The following FBXO34 variants were observed in gnomAD, a reference collection of about 807,000 sequenced individuals.
FBXO34 encodes F-box only protein 34.
A neutral mutation model predicts 24.5 loss-of-function variants in FBXO34; 12 were observed. The ratio of observed to expected loss-of-function variants is 0.49; its 90% CI spans 0.31 to 0.79. The LOEUF (loss-of-function observed/expected upper bound fraction) is 0.79, where lower values mean the gene tolerates loss of function less well. FBXO34 is among the 30% of genes least tolerant of loss of function. The pLI is 0.04. For missense variants in FBXO34, 823 were observed against 857.7 expected, an observed-to-expected ratio of 0.96 and a Z score of 0.51; for synonymous variants, 320 against 311.9, an observed-to-expected ratio of 1.03 and a Z score of -0.27.
the FBXO34 span, among the ~76,000 whole-genome samples, chr14:55,432,117 C>T: frequency 1.3e-3 from 202 of 151,918 alleles, 1 homozygote; most frequent in African/African-American, 4.5e-3. Flanking sequence ...TTTTAAAAAA[C>T]CCACCATAGG....
At chr14:55,400,323 T>G in the FBXO34 span, among the ~76,000 whole-genome samples, 1 of 152,352 alleles carries the variant, frequency 6.6e-6, no homozygotes, top group East Asian at 1.9e-4. Flanking sequence ...TATATAGTTT[T>G]TAAAAGTGTG....
At chr14:55,428,670 T>G in the FBXO34 span, 1 of 931,376 alleles carries the variant, frequency 1.1e-6, no homozygotes, top group Non-Finnish European at 1.6e-6. Flanking sequence ...GCATAGCATC[T>G]TAATCTTTTC....
At chr14:55,344,340 T>C (rs950051097) in intron 1 of FBXO34, among the ~76,000 whole-genome samples, 2 of 152,110 alleles carry the variant, frequency 1.3e-5, no homozygotes, top group African/African-American at 4.8e-5. Flanking sequence ...TTCCTGATTA[T>C]GAAAGTAATA....
downstream of FBXO34, among the ~76,000 whole-genome samples, chr14:55,370,584 C>G (rs1884792173): frequency 1.3e-5 from 2 of 151,772 alleles, no homozygotes; most frequent in Non-Finnish European, 2.9e-5. Flanking sequence ...GCCTCATCCT[C>G]TTTGCTGGCA....
chr14:55,427,470 A>G, the FBXO34 span, among the ~76,000 whole-genome samples: 3 of 152,212 alleles, frequency 2.0e-5, no homozygotes, highest in Admixed American at 6.5e-5. Flanking sequence ...AAGCACAGCA[A>G]TATGATCCCT....
At chr14:55,365,160 G>A (rs1366017096), downstream of FBXO34, among the ~76,000 whole-genome samples, 2 of 146,746 alleles carry the variant, frequency 1.4e-5, no homozygotes, top group African/African-American at 2.5e-5. Flanking sequence ...GCAGTGAGCC[G>A]AGATCGTGCC....
intron 1 of FBXO34, among the ~76,000 whole-genome samples, chr14:55,319,244 TA>T (rs1883043467): frequency 6.6e-6 from 1 of 152,148 alleles, no homozygotes; most frequent in Non-Finnish European, 1.5e-5. Context: ...CTAAAAGAAA[TA>T]AATACCTGTT....
downstream of FBXO34, among the ~76,000 whole-genome samples, chr14:55,373,888 T>A (rs1884869818): frequency 6.6e-6 from 1 of 152,044 alleles, no homozygotes; most frequent in Admixed American, 6.6e-5. Context: ...CCCACCCAGG[T>A]TCCATGAACA....
the FBXO34 span, among the ~76,000 whole-genome samples, chr14:55,408,387 T>G: frequency 6.6e-6 from 1 of 151,674 alleles, no homozygotes; most frequent in South Asian, 2.1e-4. Flanking sequence ...AACAGGGAGG[T>G]CAAAGCTGCA....
At chr14:55,423,156 C>T in the FBXO34 span, among the ~76,000 whole-genome samples, 2 of 151,998 alleles carry the variant, frequency 1.3e-5, no homozygotes, top group African/African-American at 4.8e-5. Context: ...GAAAAATGGT[C>T]GATTTCTGTC....
intron 1 of FBXO34, among the ~76,000 whole-genome samples, chr14:55,299,759 A>G (rs1284824062): frequency 6.6e-6 from 1 of 152,350 alleles, no homozygotes; most frequent in African/African-American, 2.4e-5. Flanking sequence ...CTTCATTTAC[A>G]TACAAATATT....
intron 1 of FBXO34, chr14:55,299,322 A>T: frequency 2.0e-6 from 1 of 498,904 alleles, no homozygotes. Flanking sequence ...CTCGACTCTC[A>T]CTCCAAAGCA....
chr14:55,279,928 T>C (rs1173642488), intron 1 of FBXO34, among the ~76,000 whole-genome samples: 1 of 152,236 alleles, frequency 6.6e-6, no homozygotes, highest in East Asian at 1.9e-4. Context: ...CCTCTCCCTT[T>C]ACCTCCATGG....
the FBXO34 span, chr14:55,436,821 A>G: frequency 1.2e-6 from 2 of 1,614,234 alleles, no homozygotes; most frequent in Non-Finnish European, 1.7e-6. Context: ...CGTGTTTGCT[A>G]ATGACAGGCT....
the FBXO34 span, among the ~76,000 whole-genome samples, chr14:55,402,355 T>C: frequency 6.6e-6 from 1 of 152,114 alleles, no homozygotes; most frequent in Non-Finnish European, 1.5e-5. Context: ...AAAATAGATT[T>C]CAAATAAGCA....
chr14:55,408,329 C>A, the FBXO34 span, among the ~76,000 whole-genome samples: 2 of 152,086 alleles, frequency 1.3e-5, no homozygotes, highest in African/African-American at 4.8e-5. Context: ...TTGATGTGCG[C>A]CTGTAGTCCC....
At chr14:55,330,866 C>T (rs1440260293) in intron 1 of FBXO34, among the ~76,000 whole-genome samples, 1 of 152,136 alleles carries the variant, frequency 6.6e-6, no homozygotes, top group Admixed American at 6.5e-5. Flanking sequence ...ATACTGTGTA[C>T]CTTATTAATC....
chr14:55,363,640 T>C (rs1311144461), downstream of FBXO34, among the ~76,000 whole-genome samples: 1 of 152,130 alleles, frequency 6.6e-6, no homozygotes, highest in Non-Finnish European at 1.5e-5. Context: ...ACAAGACTCT[T>C]TAATGCAAGC....
rs1442455282 is a variant in FBXO34 at position 55,331,702 on chromosome 14, T to C, written c.-10-18679T>C. Among the ~76,000 whole-genome samples the C allele has an allele frequency of 6.1e-5, 4 of 65,194 alleles. 2 individuals carry two copies. Among genetic ancestry groups the C allele is most frequent in the Non-Finnish European group, 9.7e-5 (4 of 41,386 alleles). The allele number at this position is 65,194 out of a possible 152,430, so 42.8% of individuals were successfully genotyped here. The stretch of plus-strand genomic sequence containing the variant: ...ATATATATGTGTATATATATATATA[T>C]ATGTATATATATATGTATATATATA... On this transcript the variant is annotated intron_variant, in intron 1 of 1. Coordinates refer to ENST00000313833, the MANE Select transcript of FBXO34 (RefSeq NM_017943.4).
Sources: gnomAD v4.1 joint callset for allele counts (sites outside exome capture counted in the v4.1 genomes callset) on GRCh38, gnomAD v4.1.1 for gene constraint, MANE v1.5 for transcripts, NCBI Gene and HGNC (gene_info 2026-07-23, HGNC 2026-07-21) for gene names.